The following LRRTM4 variants were observed in gnomAD, a reference collection of about 807,000 sequenced individuals.
The protein encoded by LRRTM4 is leucine-rich repeat transmembrane neuronal protein 4.
In LRRTM4, 25 loss-of-function variants were observed where a neutral mutation model predicts 47.6. The observed-to-expected ratio is 0.53, with a 90% CI of 0.38 to 0.73. The LOEUF (loss-of-function observed/expected upper bound fraction) is 0.73. Ranked by LOEUF, LRRTM4 falls within the 30% of genes least tolerant of loss-of-function variation. LRRTM4 has a pLI of 0.00. For synonymous variants in LRRTM4, 311 were observed against 269.5 expected, an observed-to-expected ratio of 1.15 and a Z score of -1.51; for missense variants, 638 against 713.4, an observed-to-expected ratio of 0.89 and a Z score of 1.20.
chr2:76,768,816 T>C (rs1411483113), intron 3 of LRRTM4, among the ~76,000 whole-genome samples: 2 of 152,178 alleles, frequency 1.3e-5, no homozygotes, highest in African/African-American at 4.8e-5. Flanking sequence ...AGGATCTGAT[T>C]CCTCCTGCAT....
At chr2:76,836,388 T>G (rs908653716) in intron 3 of LRRTM4, among the ~76,000 whole-genome samples, 9 of 152,036 alleles carry the variant, frequency 5.9e-5, no homozygotes, top group African/African-American at 2.2e-4. Flanking sequence ...TTCTTCTTTC[T>G]TGTTTTATTT....
rs1201043390 is a variant in LRRTM4, at chr2:77,379,103, G to A, written c.1551+139215C>T. ...GTTTCAATGATTGTACTTATATAGTGATATGTATAATATATTCATCTAATA... is the reference window on the plus strand; with the variant it reads ...GTTTCAATGATTGTACTTATATAGTAATATGTATAATATATTCATCTAATA... On this transcript the variant is annotated intron_variant, in intron 3 of 3. Transcript: ENST00000409884. 3.3e-5 allele frequency among the ~76,000 whole-genome samples: 5 copies of A among 151,982 alleles called. No homozygotes were observed. The East Asian group carries it at 9.6e-4, about 29-fold the overall frequency.
At chr2:77,517,695 CAA>C (rs5832288) in intron 3 of LRRTM4, 8,360 of 877,292 alleles carry the variant, frequency 9.5e-3, no homozygotes, top group Non-Finnish European at 0.011. Context: ...AAGAAGGAAA[CAA>C]AAAAAAAAAA....
At chr2:77,452,336 A>T (rs1676289317) in intron 3 of LRRTM4, among the ~76,000 whole-genome samples, 1 of 152,174 alleles carries the variant, frequency 6.6e-6, no homozygotes, top group Non-Finnish European at 1.5e-5. Flanking sequence ...AACCAACAGG[A>T]CTTGCTGATG....
intron 3 of LRRTM4, among the ~76,000 whole-genome samples, chr2:77,026,656 T>C (rs370699278): frequency 2.3e-4 from 35 of 151,956 alleles, no homozygotes; most frequent in African/African-American, 7.0e-4. Flanking sequence ...AAGCTGTTTA[T>C]TGTCATAGAA....
intron 3 of LRRTM4, among the ~76,000 whole-genome samples, chr2:77,390,717 G>T (rs1000880878): frequency 6.6e-6 from 1 of 151,262 alleles, no homozygotes; most frequent in African/African-American, 2.4e-5. Flanking sequence ...AATTAAAATT[G>T]AGAGGCCAAA....
At chr2:77,291,840 A>C (rs1335455222) in intron 3 of LRRTM4, among the ~76,000 whole-genome samples, 2 of 151,988 alleles carry the variant, frequency 1.3e-5, no homozygotes, top group East Asian at 1.9e-4. Flanking sequence ...CCAAAATTGA[A>C]AACTGGGATC....
chr2:77,370,725 A>G (rs1672626862), intron 3 of LRRTM4, among the ~76,000 whole-genome samples: 1 of 151,744 alleles, frequency 6.6e-6, no homozygotes, highest in African/African-American at 2.4e-5. Context: ...CTTTATTTCT[A>G]TAAACTAAAC....
intron 3 of LRRTM4, among the ~76,000 whole-genome samples, chr2:76,974,889 G>C (rs752506233): frequency 6.6e-6 from 1 of 151,522 alleles, no homozygotes; most frequent in East Asian, 1.9e-4. Context: ...ATGCACAACA[G>C]TAATCATCTT....
intron 3 of LRRTM4, among the ~76,000 whole-genome samples, chr2:76,757,858 A>G (rs887034959): frequency 6.6e-6 from 1 of 152,172 alleles, no homozygotes; most frequent in Non-Finnish European, 1.5e-5. Flanking sequence ...GCAAAAGTAA[A>G]CAAACAGAAA....
chr2:76,874,944 T>C (rs539080717), intron 3 of LRRTM4, among the ~76,000 whole-genome samples: 1 of 152,232 alleles, frequency 6.6e-6, no homozygotes, highest in South Asian at 2.1e-4. Context: ...TATAGTAATT[T>C]AAATTTCTTT....
intron 3 of LRRTM4, among the ~76,000 whole-genome samples, chr2:76,881,839 A>G (rs138080793): frequency 6.6e-6 from 1 of 152,194 alleles, no homozygotes; most frequent in East Asian, 1.9e-4. Flanking sequence ...TATATACTCC[A>G]TCCTATTCTA....
chr2:77,207,347 G>GTATATATATATATATA (rs200933978), intron 3 of LRRTM4, among the ~76,000 whole-genome samples: 1,029 of 83,048 alleles, frequency 0.012, 42 homozygotes, highest in African/African-American at 0.042. Context: ...TTTCATATAT[G>GTATATATATATATATA]TGTATATATA....
intron 3 of LRRTM4, among the ~76,000 whole-genome samples, chr2:77,234,800 T>G (rs1246167232): frequency 3.9e-5 from 6 of 152,166 alleles, no homozygotes; most frequent in Admixed American, 3.9e-4. Context: ...GCAGGTTTGT[T>G]ATCTAGGTAT....
intron 3 of LRRTM4, among the ~76,000 whole-genome samples, chr2:76,853,849 A>C (rs747415534): frequency 3.9e-5 from 6 of 152,182 alleles, no homozygotes; most frequent in Admixed American, 1.3e-4. Flanking sequence ...CCTACATCCT[A>C]ATCTACTATG....
chr2:76,808,748 C>A (rs1308285305), intron 3 of LRRTM4, among the ~76,000 whole-genome samples: 1 of 152,152 alleles, frequency 6.6e-6, no homozygotes, highest in Non-Finnish European at 1.5e-5. Flanking sequence ...TGTTGTCTGG[C>A]CAGGCCACTT....
At chr2:77,007,126 G>C (rs940943760) in intron 3 of LRRTM4, among the ~76,000 whole-genome samples, 5 of 151,704 alleles carry the variant, frequency 3.3e-5, no homozygotes, top group African/African-American at 9.7e-5. Context: ...AAGAGAATTT[G>C]AAATTTTCCT....
chr2:76,807,495 T>TAGGC (rs1670558556), intron 3 of LRRTM4, among the ~76,000 whole-genome samples: 1 of 143,814 alleles, frequency 7.0e-6, no homozygotes, highest in Non-Finnish European at 1.5e-5. Flanking sequence ...TACATATATA[T>TAGGC]ATATATAGGC....
At chr2:77,332,062 T>G (rs1670992097) in intron 3 of LRRTM4, among the ~76,000 whole-genome samples, 1 of 152,180 alleles carries the variant, frequency 6.6e-6, no homozygotes, top group African/African-American at 2.4e-5. Flanking sequence ...ATATGTTTCT[T>G]AAGAAGAACT....
Sources: allele counts gnomAD v4.1 joint callset (sites outside exome capture counted in the v4.1 genomes callset), GRCh38; gene constraint gnomAD v4.1.1; transcripts MANE v1.5; gene names NCBI Gene and HGNC (gene_info 2026-07-23, HGNC 2026-07-21).